Variants in MRPS27 observed in about 807,000 individuals in gnomAD.
MRPS27 encodes the protein mitochondrial ribosomal protein S27, also known as small ribosomal subunit protein mS27.
A neutral mutation model predicts 48.9 loss-of-function variants in MRPS27; 43 were observed. The ratio of observed to expected loss-of-function variants is 0.88; its 90% confidence interval spans 0.69 to 1.13. MRPS27 has a LOEUF of 1.13. Among genes scored for constraint, MRPS27 ranks in the 50% most tolerant of loss-of-function variants. The probability of loss-of-function intolerance (pLI) is 0.00; values close to 1 mark genes in which losing one functional copy is unlikely to be tolerated. For missense variants in MRPS27, 467 were observed against 476.3 expected, an observed-to-expected ratio of 0.98 and a Z score of 0.18; for synonymous variants, 188 against 171.9, an observed-to-expected ratio of 1.09 and a Z score of -0.73.
chr5:72,229,567 T>TA (rs1415421190), intron 7 of MRPS27: 1 of 146,726 alleles, frequency 6.8e-6, no homozygotes, highest in Non-Finnish European at 1.5e-5. Context: ...TAAGGAGCCT[T>TA]ACAAACATTT....
intron 4 of MRPS27, among the ~76,000 whole-genome samples, chr5:72,290,782 G>A (rs1402408278): frequency 6.6e-6 from 1 of 152,144 alleles, no homozygotes; most frequent in Non-Finnish European, 1.5e-5. Flanking sequence ...AAATTAACAT[G>A]GGATATAAAA....
At chr5:72,309,551 G>A (rs936809994) in intron 2 of MRPS27, among the ~76,000 whole-genome samples, 20 of 152,078 alleles carry the variant, frequency 1.3e-4, no homozygotes, top group African/African-American at 3.9e-4. Flanking sequence ...GTGCCACTGC[G>A]TGCTGCCCCG....
At chr5:72,318,939 C>G (rs1033794304) in intron 1 of MRPS27, among the ~76,000 whole-genome samples, 5 of 152,334 alleles carry the variant, frequency 3.3e-5, no homozygotes, top group South Asian at 4.1e-4. Context: ...GTGCATAACA[C>G]TGCCTAATGT....
chr5:72,249,872 TA>T (rs1349759475), intron 4 of MRPS27, among the ~76,000 whole-genome samples: 1 of 151,596 alleles, frequency 6.6e-6, no homozygotes, highest in East Asian at 1.9e-4. Context: ...TAGTCCCAGC[TA>T]CTTGGGAGGC....
At chr5:72,287,942 CAA>C (rs1561355497) in intron 4 of MRPS27, among the ~76,000 whole-genome samples, 1 of 152,214 alleles carries the variant, frequency 6.6e-6, no homozygotes, top group African/African-American at 2.4e-5. Context: ...CGCATCTATA[CAA>C]AGACTTGTGC....
chr5:72,297,104 A>T (rs1039504958), intron 3 of MRPS27, among the ~76,000 whole-genome samples: 1 of 152,226 alleles, frequency 6.6e-6, no homozygotes, highest in African/African-American at 2.4e-5. Context: ...CATAGGGAGC[A>T]GTGAGAATTA....
At chr5:72,302,390 A>G (rs536507708) in intron 2 of MRPS27, among the ~76,000 whole-genome samples, 2 of 152,294 alleles carry the variant, frequency 1.3e-5, no homozygotes, top group Non-Finnish European at 2.9e-5. Context: ...GACTTAAACA[A>G]TAGCCCCAGA....
chr5:72,265,989 G>A (rs891487630), intron 4 of MRPS27, among the ~76,000 whole-genome samples: 56 of 152,250 alleles, frequency 3.7e-4, no homozygotes, highest in African/African-American at 1.2e-3. Context: ...TGAAGGTGGT[G>A]TATTCGAAAT....
chr5:72,271,084 G>T (rs574264916), intron 4 of MRPS27, among the ~76,000 whole-genome samples: 4 of 152,274 alleles, frequency 2.6e-5, no homozygotes, highest in African/African-American at 7.2e-5. Flanking sequence ...ACAAAGCAAA[G>T]ACATGTCTGC....
chr5:72,261,757 T>C (rs774984071), intron 4 of MRPS27, among the ~76,000 whole-genome samples: 6 of 152,220 alleles, frequency 3.9e-5, no homozygotes, highest in Non-Finnish European at 8.8e-5. Flanking sequence ...AAGTCATCAT[T>C]ATCCATAACT....
intron 4 of MRPS27, chr5:72,241,582 G>T: frequency 1.4e-6 from 2 of 1,431,024 alleles, no homozygotes; most frequent in Non-Finnish European, 1.9e-6. Flanking sequence ...ACAAATAAAT[G>T]TGGGGACTTT....
At chr5:72,266,731 G>A (rs1262214353) in intron 4 of MRPS27, among the ~76,000 whole-genome samples, 7 of 152,114 alleles carry the variant, frequency 4.6e-5, no homozygotes, top group Admixed American at 1.3e-4. Context: ...GTGGTGGCAC[G>A]TGCCTGTAGT....
chr5:72,274,729 C>G (rs1387280426), intron 4 of MRPS27, among the ~76,000 whole-genome samples: 1 of 152,138 alleles, frequency 6.6e-6, no homozygotes, highest in Non-Finnish European at 1.5e-5. Flanking sequence ...GAGTAGGACT[C>G]TTTACATGAG....
At chr5:72,305,061 T>C (rs1440493748) in intron 2 of MRPS27, among the ~76,000 whole-genome samples, 1 of 152,088 alleles carries the variant, frequency 6.6e-6, no homozygotes, top group East Asian at 1.9e-4. Context: ...CAGAAGGAAG[T>C]ATGGAAAACT....
intron 4 of MRPS27, among the ~76,000 whole-genome samples, chr5:72,269,395 G>A (rs1489720553): frequency 1.3e-5 from 2 of 152,178 alleles, no homozygotes; most frequent in African/African-American, 4.8e-5. Context: ...ACAGGTATCT[G>A]ACTAATATTT....
chr5:72,237,486 A>C lies in MRPS27; in HGVS notation c.396+528T>G, dbSNP rs80248611. On this transcript the variant is annotated intron_variant, in intron 5 of 10. Coordinates refer to ENST00000261413, the MANE Select transcript of MRPS27 (RefSeq NM_015084.3). ...ACTGTTAAAATATCTTTATAGTTCA[A>C]ACTAGTGTTTAGCTTCAGACTCACA... Among the ~76,000 whole-genome samples the C allele has an allele frequency of 3.7e-3, 566 of 152,296 alleles. 1 individual carries two copies. Among genetic ancestry groups the C allele is most frequent in the African/African-American group, 0.013 (550 of 41,562 alleles).
chr5:72,320,185 C>G lies in MRPS27; in HGVS notation c.37G>C (p.Ala13Pro). The G allele has an allele frequency of 6.2e-7, 1 of 1,614,004 alleles. No individual in the cohort carries two copies. Among genetic ancestry groups the G allele is most frequent in the Non-Finnish European group, 8.5e-7 (1 of 1,179,910 alleles). ...AGCTGAGGAAGAACCACTTGCCGCG[C>G]CAGGAGCATCCCGCGCCGCACTATG... ...ASIVRRGMLLARQVVLPQLSP... is the reference protein window; with the variant it reads ...ASIVRRGMLLPRQVVLPQLSP... The change falls in exon 1 of 11, where the codon GCG becomes CCG. Residue 13 changes from alanine to proline, a missense_variant. Coordinates refer to ENST00000261413, the MANE Select transcript of MRPS27 (RefSeq NM_015084.3).
intron 1 of MRPS27, among the ~76,000 whole-genome samples, chr5:72,317,507 T>TAAAGTACAA (rs1750595573): frequency 6.6e-6 from 1 of 151,710 alleles, no homozygotes; most frequent in Non-Finnish European, 1.5e-5. Context: ...CTCAGCCTCC[T>TAAAGTACAA]GAGTAGCTGG....
At chr5:72,254,456 T>C (rs1009601743) in intron 4 of MRPS27, among the ~76,000 whole-genome samples, 8 of 152,172 alleles carry the variant, frequency 5.3e-5, no homozygotes, top group Admixed American at 1.3e-4. Context: ...ACACAATAGC[T>C]ACCCCCTTAT....
Sources: gnomAD v4.1 joint callset for allele counts (sites outside exome capture counted in the v4.1 genomes callset) on GRCh38, gnomAD v4.1.1 for gene constraint, MANE v1.5 for transcripts, NCBI Gene and HGNC (gene_info 2026-07-23, HGNC 2026-07-21) for gene names.